The following ZNF221 variants were observed in gnomAD, a reference collection of about 807,000 sequenced individuals.
ZNF221 encodes the protein zinc finger protein 221.
In ZNF221, 10 loss-of-function variants were observed where a neutral mutation model predicts 12.6. That is an observed-to-expected ratio of 0.79 (90% CI 0.49 to 1.34). The LOEUF (loss-of-function observed/expected upper bound fraction) is 1.34. Ranked by LOEUF, ZNF221 falls within the 40% of genes most tolerant of loss-of-function variation. ZNF221 has a pLI of 0.00. For missense variants in ZNF221, 661 were observed against 721.4 expected (o/e 0.92, Z 0.96); for synonymous variants, 232 against 244.0 (o/e 0.95, Z 0.46).
chr19:43,967,530 C>T lies in ZNF221; in HGVS notation c.*174C>T. On this transcript the variant is annotated 3_prime_UTR_variant, in exon 5 of 5. Transcript: ENST00000587682. ...GTCTCACTCTTTCACCCAGGCCTGACTGCAGTGGCGCTATCTCAGCTCACT... is the reference window on the plus strand; with the variant it reads ...GTCTCACTCTTTCACCCAGGCCTGATTGCAGTGGCGCTATCTCAGCTCACT... The T allele has an allele frequency of 1.7e-6, 1 of 577,404 alleles. No homozygotes were observed. The highest frequency in any genetic ancestry group is 2.8e-5 in the East Asian group (1 of 35,236). The allele number at this position is 577,404 out of a possible 1,614,324, so 35.8% of individuals were successfully genotyped here.
intron 1 of ZNF221, among the ~76,000 whole-genome samples, chr19:43,958,422 C>G (rs2147335448): frequency 6.6e-6 from 1 of 152,196 alleles, no homozygotes; most frequent in East Asian, 1.9e-4. Flanking sequence ...TCTGGGGTAT[C>G]CCACCGAGCA....
intron 1 of ZNF221, among the ~76,000 whole-genome samples, chr19:43,953,197 C>A (rs888629952): frequency 6.6e-6 from 1 of 151,888 alleles, no homozygotes; most frequent in Non-Finnish European, 1.5e-5. Flanking sequence ...GTGATCTGCC[C>A]ACCTCAGCCT....
chr19:43,974,550 A>G, the ZNF221 span, among the ~76,000 whole-genome samples: 1 of 151,940 alleles, frequency 6.6e-6, no homozygotes. Context: ...AATTTACGAG[A>G]AAAAAAACCA....
At chr19:43,972,490 A>C (rs904469691), downstream of ZNF221, among the ~76,000 whole-genome samples, 2 of 152,020 alleles carry the variant, frequency 1.3e-5, no homozygotes, top group African/African-American at 4.8e-5. Flanking sequence ...TTTTGAAAAA[A>C]ATTAATAGAC....
At position 43,967,409 on chromosome 19, in the gene ZNF221, C is replaced by T; in HGVS notation, c.*53C>T. The T allele has an allele frequency of 3.0e-6, 4 of 1,315,826 alleles. No individual in the cohort carries two copies. The highest frequency in any genetic ancestry group is 1.3e-5 in the South Asian group (1 of 75,568). The allele number at this position is 1,315,826 out of a possible 1,614,324, so 81.5% of individuals were successfully genotyped here. On this transcript the variant is annotated 3_prime_UTR_variant, in exon 5 of 5. Coordinates refer to ENST00000587682, the MANE Select transcript of ZNF221 (RefSeq NM_001297588.2). The stretch of plus-strand genomic sequence containing the variant: ...CTGGGCCTCAACTCATCTGACCCAT[C>T]AATTCTCCACAGCAGAGAAAAACCA...
downstream of ZNF221, among the ~76,000 whole-genome samples, chr19:43,970,128 G>A (rs1173848997): frequency 6.6e-6 from 1 of 152,126 alleles, no homozygotes; most frequent in East Asian, 1.9e-4. Flanking sequence ...AAAAACGGAG[G>A]CAACTAGGGT....
Position 43,964,861 on chromosome 19 carries a change from C to G in ZNF221, c.82-89C>G. The stretch of plus-strand genomic sequence containing the variant: ...TCCCTCAAGATCTAGGACAACTTAC[C>G]ACACCTGTCCCCTTTGCCTACTTAG... On this transcript the variant is annotated intron_variant, in intron 2 of 4. Transcript: ENST00000587682. 1.9e-6 allele frequency: 3 copies of G among 1,545,134 alleles called. No individual in the cohort carries two copies. In the South Asian group the frequency reaches 3.5e-5, roughly 18 times the overall value.
chr19:43,962,885 A>C (rs1974871125), intron 2 of ZNF221, 78 bp downstream of exon 2: 3 of 1,335,520 alleles, frequency 2.2e-6, no homozygotes. Context: ...TGTCTTGGGA[A>C]GACTCAAGGA....
chr19:43,977,569 T>C, the ZNF221 span: 4 of 152,134 alleles, frequency 2.6e-5, no homozygotes, highest in African/African-American at 7.2e-5. Context: ...TATATAGTTG[T>C]GGAGGTTAAA....
At chr19:43,957,797 A>G (rs1045597632) in intron 1 of ZNF221, among the ~76,000 whole-genome samples, 1 of 152,216 alleles carries the variant, frequency 6.6e-6, no homozygotes, top group Admixed American at 6.5e-5. Flanking sequence ...TCAGTTTTGC[A>G]AGAGTTAAGA....
At chr19:43,964,904 T>G in intron 2 of ZNF221, 46 bp from the exon 3 acceptor site, 1 of 1,613,160 alleles carries the variant, frequency 6.2e-7, no homozygotes, top group Non-Finnish European at 8.5e-7. Flanking sequence ...CTTCTTTGAA[T>G]AATCATTGGT....
In ZNF221 at chr19:43,967,102, T is replaced by C. The variant is rs1568479502; in HGVS notation, c.1600T>C (p.Tyr534His). Residue 534 changes from tyrosine to histidine, a missense_variant, in exon 5 of 5, where the codon TAC becomes CAC. Physicochemically the swap from Tyr to His is moderately conservative, Grantham distance 83. Coordinates refer to ENST00000587682, the MANE Select transcript of ZNF221 (RefSeq NM_001297588.2). The stretch of plus-strand genomic sequence containing the variant: ...GACATGCCATACTGGAGAAAAGCTA[T>C]ACAAATGTGAGCAGTGTGAGAAGGG... ...HQTCHTGEKL[Y>H]KCEQCEKGYN... The C allele has an allele frequency of 6.3e-7, 1 of 1,595,794 alleles. No homozygotes were observed. The highest frequency in any genetic ancestry group is 8.6e-7 in the Non-Finnish European group (1 of 1,168,422).
At chr19:43,951,894 G>A (rs1348413531) in intron 1 of ZNF221, among the ~76,000 whole-genome samples, 76 of 93,720 alleles carry the variant, frequency 8.1e-4, no homozygotes, top group African/African-American at 3.5e-3. Flanking sequence ...TTTTTTTTGA[G>A]ACGGAGTCTC....
At position 43,966,076 on chromosome 19, in the gene ZNF221, C is replaced by T. The variant is rs1031468651; in HGVS notation, c.574C>T (p.His192Tyr). 5.6e-6 allele frequency: 9 copies of T among 1,614,122 alleles called. No homozygotes were observed. Among genetic ancestry groups the T allele is most frequent in the Admixed American group, 1.7e-5 (1 of 60,012 alleles). Residue 192 changes from histidine (H) to tyrosine (Y), a missense_variant, in exon 5 of 5, where the codon CAC (histidine) becomes TAC (tyrosine). Coordinates refer to ENST00000587682, the MANE Select transcript of ZNF221 (RefSeq NM_001297588.2). ...TGTCTTTGATCTTCATCAACAATCACACTCAGGAGAGAAATCTCATACATG... is the reference window on the plus strand; with the variant it reads ...TGTCTTTGATCTTCATCAACAATCATACTCAGGAGAGAAATCTCATACATG... ...VSVFDLHQQS[H>Y]SGEKSHTCGE... is the part of the protein sequence containing the mutation.
chr19:43,966,379 C>T lies in ZNF221; in HGVS notation c.877C>T (p.His293Tyr), dbSNP rs200704464. 8.3e-5 allele frequency: 134 copies of T among 1,613,482 alleles called. No homozygotes were observed. Among genetic ancestry groups the T allele is most frequent in the Non-Finnish European group, 1.1e-4 (132 of 1,179,896 alleles). The change falls in exon 5 of 5, where the codon CAT becomes TAT. Residue 293 changes from histidine (H) to tyrosine (Y), a missense_variant. Coordinates refer to ENST00000587682, the MANE Select transcript of ZNF221 (RefSeq NM_001297588.2). ...NCEECGKAFI[H>Y]DSQLQEHQRI... ...TGAGGAATGTGGGAAAGCCTTCATT[C>T]ATGATTCACAGCTTCAAGAACATCA...
intron 1 of ZNF221, among the ~76,000 whole-genome samples, chr19:43,958,470 A>G (rs1370658768): frequency 2.6e-5 from 4 of 152,222 alleles, no homozygotes; most frequent in Admixed American, 1.3e-4. Flanking sequence ...TTTTCAGGGC[A>G]AGCAGACATT....
downstream of ZNF221, among the ~76,000 whole-genome samples, chr19:43,969,153 C>T (rs549638660): frequency 9.9e-5 from 15 of 152,182 alleles, no homozygotes; most frequent in Non-Finnish European, 1.9e-4. Flanking sequence ...CCAACAGCAA[C>T]AGGCTTCAGC....
At chr19:43,965,559 G>T (rs529628019) in intron 4 of ZNF221, among the ~76,000 whole-genome samples, 2 of 152,264 alleles carry the variant, frequency 1.3e-5, no homozygotes, top group Non-Finnish European at 2.9e-5. Context: ...TTAGTAACGG[G>T]TTAAGTGTAT....
chr19:43,960,665 G>T (rs192781737), intron 1 of ZNF221, among the ~76,000 whole-genome samples: 33 of 152,184 alleles, frequency 2.2e-4, no homozygotes, highest in African/African-American at 8.0e-4. Context: ...CCCTGAATCC[G>T]GCCACTCTGG....
Sources: gnomAD v4.1 joint callset for allele counts (sites outside exome capture counted in the v4.1 genomes callset) on GRCh38, gnomAD v4.1.1 for gene constraint, MANE v1.5 for transcripts, NCBI Gene and HGNC (gene_info 2026-07-23, HGNC 2026-07-21) for gene names.